Variants in CTNNA2 observed in about 807,000 individuals in gnomAD.
CTNNA2 encodes the protein catenin alpha 2, also known as catenin alpha-2.
Under a neutral mutation model 101.0 loss-of-function variants are expected in CTNNA2, and 42 were observed. The observed-to-expected ratio is 0.42, with a 90% confidence interval of 0.32 to 0.54. CTNNA2 has a LOEUF of 0.54. Ranked by LOEUF, CTNNA2 falls within the 20% of genes least tolerant of loss-of-function variation. The pLI, the probability that CTNNA2 is intolerant of heterozygous loss-of-function variation, is 0.14. For missense variants in CTNNA2, 871 were observed against 1,223.1 expected (o/e 0.71, Z 4.29); for synonymous variants, 450 against 456.4 (o/e 0.99, Z 0.18).
At chr2:80,189,541 A>AG (rs1706343211) in intron 7 of CTNNA2, among the ~76,000 whole-genome samples, 1 of 152,202 alleles carries the variant, frequency 6.6e-6, no homozygotes, top group Non-Finnish European at 1.5e-5. Context: ...AGTAGCATTG[A>AG]GTTCCTAGTA....
chr2:79,287,578 A>G (rs1479323124), intron 2 of CTNNA2, among the ~76,000 whole-genome samples: 2 of 121,024 alleles, frequency 1.7e-5, no homozygotes, highest in African/African-American at 7.3e-5. Flanking sequence ...GGGGTCAGGG[A>G]CCCACTTGAG....
intron 7 of CTNNA2, among the ~76,000 whole-genome samples, chr2:79,985,441 T>C (rs1204809477): frequency 6.6e-6 from 1 of 152,076 alleles, no homozygotes; most frequent in African/African-American, 2.4e-5. Flanking sequence ...GCCTCTTCAG[T>C]GAGAGTGGCA....
At chr2:79,604,630 G>A (rs1057419812) in intron 1 of CTNNA2, among the ~76,000 whole-genome samples, 1 of 152,188 alleles carries the variant, frequency 6.6e-6, no homozygotes, top group Non-Finnish European at 1.5e-5. Context: ...TACATGTGAG[G>A]AAGAGACCTG....
chr2:79,817,473 C>A (rs1677615149), intron 3 of CTNNA2, among the ~76,000 whole-genome samples: 1 of 151,974 alleles, frequency 6.6e-6, no homozygotes, highest in South Asian at 2.1e-4. Flanking sequence ...ACTCTCAAAG[C>A]ATTCCTAGAG....
chr2:79,864,100 A>G (rs550459886), intron 4 of CTNNA2, among the ~76,000 whole-genome samples: 1 of 152,230 alleles, frequency 6.6e-6, no homozygotes, highest in Non-Finnish European at 1.5e-5. Context: ...GGAAAGGAGT[A>G]ATATTTCAGC....
intron 2 of CTNNA2, among the ~76,000 whole-genome samples, chr2:79,258,045 A>G (rs1674871693): frequency 6.6e-6 from 1 of 152,234 alleles, no homozygotes; most frequent in South Asian, 2.1e-4. Context: ...GTCATTCTGG[A>G]TGAGGTGCCC....
rs538547799 is a variant in CTNNA2 at position 79,739,383 on chromosome 2, T to C, written c.103-5004T>C. Among the ~76,000 whole-genome samples, 4 of 152,330 alleles carry C rather than the reference T, an allele frequency of 2.6e-5. No individual in the cohort carries two copies. The East Asian group carries it at 7.7e-4, about 29-fold the overall frequency. On this transcript the variant is annotated intron_variant, in intron 2 of 18. Coordinates refer to ENST00000402739, the MANE Select transcript of CTNNA2 (RefSeq NM_001282597.3). ...CTTATGATGTATCTTAAAGAAAGTA[T>C]GCTTACATTTGCCTTTTATTTCTGG...
intron 4 of CTNNA2, among the ~76,000 whole-genome samples, chr2:79,495,314 T>A (rs1392820951): frequency 6.6e-6 from 1 of 152,140 alleles, no homozygotes; most frequent in African/African-American, 2.4e-5. Flanking sequence ...ACAGAAGATC[T>A]GAATAAATGT....
chr2:79,243,029 C>CACAT (rs1369431500), intron 2 of CTNNA2, among the ~76,000 whole-genome samples: 404 of 149,590 alleles, frequency 2.7e-3, no homozygotes, highest in African/African-American at 9.7e-3. Context: ...CACACACACA[C>CACAT]GTTAATATTC....
chr2:80,201,718 T>C (rs1707226219), intron 7 of CTNNA2, among the ~76,000 whole-genome samples: 4 of 152,186 alleles, frequency 2.6e-5, no homozygotes, highest in Admixed American at 2.6e-4. Flanking sequence ...TCAGCAAACA[T>C]GCCAGGTTTC....
At chr2:80,102,064 C>G (rs1700580008) in intron 7 of CTNNA2, among the ~76,000 whole-genome samples, 1 of 152,158 alleles carries the variant, frequency 6.6e-6, no homozygotes, top group Admixed American at 6.5e-5. Flanking sequence ...TGGGCACAGG[C>G]ACCATGTGTG....
At chr2:79,523,383 T>G (rs1672225113) in intron 1 of CTNNA2, 1 of 246,548 alleles carries the variant, frequency 4.1e-6, no homozygotes, top group Non-Finnish European at 8.1e-6. Flanking sequence ...TTTATTTTCA[T>G]TTTACATATA....
At chr2:79,785,373 G>A (rs79209646) in intron 3 of CTNNA2, among the ~76,000 whole-genome samples, 17,068 of 151,940 alleles carry the variant, frequency 0.11, 1,085 homozygotes, top group Admixed American at 0.17. Flanking sequence ...TTTCATCCTC[G>A]GGACATTTCT....
chr2:79,974,939 T>C (rs1690730982), intron 7 of CTNNA2, among the ~76,000 whole-genome samples: 1 of 152,080 alleles, frequency 6.6e-6, no homozygotes, highest in Non-Finnish European at 1.5e-5. Context: ...TGCAGATACC[T>C]GGAGAACAGA....
chr2:79,429,743 G>A (rs1678630905), intron 4 of CTNNA2, among the ~76,000 whole-genome samples: 1 of 152,168 alleles, frequency 6.6e-6, no homozygotes, highest in African/African-American at 2.4e-5. Flanking sequence ...AAGGGCAAAT[G>A]TGGTTTTATT....
intron 4 of CTNNA2, among the ~76,000 whole-genome samples, chr2:79,405,799 C>T (rs189909065): frequency 3.3e-5 from 5 of 152,106 alleles, no homozygotes; most frequent in South Asian, 2.1e-4. Context: ...TTCCCAGAAT[C>T]CTGAATTATG....
At chr2:80,105,527 C>A (rs1354336885) in intron 7 of CTNNA2, among the ~76,000 whole-genome samples, 1 of 152,044 alleles carries the variant, frequency 6.6e-6, no homozygotes, top group Non-Finnish European at 1.5e-5. Context: ...AGTTCGAGAC[C>A]AGCCTGGGCA....
intron 9 of CTNNA2, among the ~76,000 whole-genome samples, chr2:80,523,712 A>G (rs1365548731): frequency 6.6e-6 from 1 of 152,154 alleles, no homozygotes; most frequent in East Asian, 1.9e-4. Flanking sequence ...TGTTCTCAGT[A>G]TATTTCATGC....
chr2:80,164,598 T>C (rs1704536634), intron 7 of CTNNA2, among the ~76,000 whole-genome samples: 1 of 152,064 alleles, frequency 6.6e-6, no homozygotes, highest in African/African-American at 2.4e-5. Flanking sequence ...CCTGTATTTT[T>C]GCTTACCATA....
Sources: gnomAD v4.1 joint callset for allele counts (sites outside exome capture counted in the v4.1 genomes callset) on GRCh38, gnomAD v4.1.1 for gene constraint, MANE v1.5 for transcripts, NCBI Gene and HGNC (gene_info 2026-07-23, HGNC 2026-07-21) for gene names.